Variants in ARHGAP39 observed in about 807,000 individuals in gnomAD.
ARHGAP39 encodes Rho GTPase activating protein 39, also known as rho GTPase-activating protein 39.
ARHGAP39 carries 44 observed loss-of-function variants against 106.9 expected under a neutral mutation model. The observed-to-expected ratio is 0.41, with a 90% CI of 0.32 to 0.53. The LOEUF is 0.53. ARHGAP39 is among the 20% of genes least tolerant of loss of function. ARHGAP39 has a pLI of 0.21. For missense variants in ARHGAP39, 1,496 were observed against 1,577.3 expected (o/e 0.95, Z 0.87); for synonymous variants, 768 against 693.2 (o/e 1.11, Z -1.69).
intron 4 of ARHGAP39, among the ~76,000 whole-genome samples, chr8:144,549,796 C>T (rs1817627630): frequency 1.3e-5 from 2 of 152,160 alleles, no homozygotes; most frequent in Admixed American, 6.5e-5. Context: ...CCCAGCCCCA[C>T]GTGGTTTTCA....
At chr8:144,546,121 G>C (rs1017660164) in intron 5 of ARHGAP39, among the ~76,000 whole-genome samples, 5 of 152,168 alleles carry the variant, frequency 3.3e-5, no homozygotes, top group Non-Finnish European at 7.4e-5. Flanking sequence ...CACCCCCAGG[G>C]GGCTGACCTC....
intron 1 of ARHGAP39, among the ~76,000 whole-genome samples, chr8:144,652,732 A>C (rs1298240420): frequency 6.6e-6 from 1 of 152,082 alleles, no homozygotes; most frequent in Non-Finnish European, 1.5e-5. Context: ...ACACAAAGGA[A>C]ACCAGCGGAC....
the ARHGAP39 span, chr8:144,698,900 G>A: frequency 2.2e-6 from 1 of 455,752 alleles, no homozygotes; most frequent in South Asian, 1.5e-5. Flanking sequence ...GGGGGGTTGG[G>A]GGGTCCAAGA....
intron 6 of ARHGAP39, among the ~76,000 whole-genome samples, chr8:144,541,794 G>A (rs1049017587): frequency 6.6e-6 from 1 of 152,086 alleles, no homozygotes; most frequent in Non-Finnish European, 1.5e-5. Flanking sequence ...CCACCTTTTA[G>A]TTATAAGAGC....
chr8:144,530,290 C>T lies in ARHGAP39; in HGVS notation c.*132G>A, dbSNP rs1258198911. On this transcript the variant is annotated 3_prime_UTR_variant, in exon 12 of 12. Transcript: ENST00000377307. ...CAGAAGACGTGGGGAGCGCCGGGGC[C>T]AGGGGCCTGGGGGAGTGGAGGGGGC... The T allele has an allele frequency of 5.0e-6, 5 of 1,008,012 alleles. No homozygotes were observed. Among genetic ancestry groups the T allele is most frequent in the Non-Finnish European group, 7.1e-6 (5 of 703,196 alleles). The allele number at this position is 1,008,012 out of a possible 1,614,324, so 62.4% of individuals were successfully genotyped here.
intron 7 of ARHGAP39, among the ~76,000 whole-genome samples, chr8:144,535,283 G>A (rs1411493932): frequency 6.6e-6 from 1 of 152,216 alleles, no homozygotes; most frequent in African/African-American, 2.4e-5. Flanking sequence ...TAGTTGACAT[G>A]TGACTGCTAA....
rs1339918307 is a variant in ARHGAP39 at position 144,547,837 on chromosome 8, T to G, written c.1249A>C (p.Lys417Gln). Residue 417 changes from lysine to glutamine, a missense_variant, in exon 5 of 12, where the codon AAG becomes CAG. Transcript: ENST00000377307. The surrounding 1 kb of genome is among the most constrained non-coding windows in gnomAD (Gnocchi z 5.2). ...CCACCGCCGGGGTTGGGCGCGTACT[T>G]GTGCCGCGGGCCGGCGCGCAGCTTG... ...SPKLRAGPRHKYAPNPGGGSY... is the reference protein window; with the variant it reads ...SPKLRAGPRHQYAPNPGGGSY... 6.3e-7 allele frequency: 1 copy of G among 1,590,334 alleles called. No individual in the cohort carries two copies. The highest frequency in any genetic ancestry group is 8.6e-7 in the Non-Finnish European group (1 of 1,169,478).
intron 1 of ARHGAP39, among the ~76,000 whole-genome samples, chr8:144,629,195 C>T (rs909453920): frequency 2.0e-5 from 3 of 152,380 alleles, no homozygotes; most frequent in African/African-American, 7.2e-5. Flanking sequence ...TCGGTATCTT[C>T]TGTAACGGAA....
chr8:144,538,225 T>TGGCC (rs2130825704), intron 6 of ARHGAP39, among the ~76,000 whole-genome samples: 1 of 152,354 alleles, frequency 6.6e-6, no homozygotes, highest in Non-Finnish European at 1.5e-5. Context: ...CGAAGGCAGC[T>TGGCC]GGCCCCAAGC....
intron 1 of ARHGAP39, among the ~76,000 whole-genome samples, chr8:144,669,180 G>GTAT (rs1177674847): frequency 1.5e-5 from 1 of 68,316 alleles, no homozygotes; most frequent in East Asian, 4.5e-4. Context: ...ACACCTAAAT[G>GTAT]TATATCAAAA....
At chr8:144,676,489 T>C (rs1455652561) in intron 1 of ARHGAP39, among the ~76,000 whole-genome samples, 1 of 151,998 alleles carries the variant, frequency 6.6e-6, no homozygotes, top group Non-Finnish European at 1.5e-5. Flanking sequence ...TTTACAAACC[T>C]TGAGCTAGAC....
chr8:144,674,697 G>A (rs2129738697), intron 1 of ARHGAP39, among the ~76,000 whole-genome samples: 1 of 152,274 alleles, frequency 6.6e-6, no homozygotes, highest in South Asian at 2.1e-4. Context: ...CAGGCTATTT[G>A]TGCTGAGGGG....
chr8:144,545,846 G>T (rs767098652), intron 5 of ARHGAP39, 36 bp from the exon 6 acceptor site: 4 of 1,450,904 alleles, frequency 2.8e-6, no homozygotes, highest in East Asian at 2.4e-5. Flanking sequence ...TGTTGGGGGT[G>T]GGGGAGGGCC....
At chr8:144,553,372 G>A (rs1241996752) in intron 4 of ARHGAP39, among the ~76,000 whole-genome samples, 1 of 152,192 alleles carries the variant, frequency 6.6e-6, no homozygotes, top group Admixed American at 6.5e-5. Context: ...GTCTACAAGT[G>A]CAACTCTGGC....
intron 4 of ARHGAP39, among the ~76,000 whole-genome samples, chr8:144,552,449 A>C (rs915736961): frequency 6.6e-6 from 1 of 152,254 alleles, no homozygotes; most frequent in African/African-American, 2.4e-5. Context: ...GCTCCGCCAG[A>C]GTCCCTAAAT....
chr8:144,557,770 C>T lies in ARHGAP39; in HGVS notation c.513-2127G>A, dbSNP rs976480575. 7.2e-5 allele frequency among the ~76,000 whole-genome samples: 11 copies of T among 152,304 alleles called. No individual in the cohort carries two copies. In the South Asian group the frequency reaches 2.3e-3, roughly 32 times the overall value. ...TAGTATTCAGTGGCAAAAGGCTGAACCTTCGTAGTATTCAGTGGCAAAAGG... is the reference window on the plus strand; with the variant it reads ...TAGTATTCAGTGGCAAAAGGCTGAATCTTCGTAGTATTCAGTGGCAAAAGG... On this transcript the variant is annotated intron_variant, in intron 3 of 11. Transcript: ENST00000377307.
the ARHGAP39 span, among the ~76,000 whole-genome samples, chr8:144,695,264 C>T: frequency 1.5e-5 from 2 of 132,414 alleles, no homozygotes; most frequent in South Asian, 2.6e-4. Flanking sequence ...TAAGTAGAGA[C>T]GGGGTTTCAC....
intron 1 of ARHGAP39, among the ~76,000 whole-genome samples, chr8:144,665,883 G>A (rs1821950832): frequency 6.6e-6 from 1 of 152,226 alleles, no homozygotes. Context: ...GGATCTGTGA[G>A]AAGAGGGCCA....
intron 3 of ARHGAP39, among the ~76,000 whole-genome samples, chr8:144,580,135 T>G (rs958895130): frequency 1.3e-5 from 2 of 151,954 alleles, no homozygotes; most frequent in African/African-American, 2.4e-5. Context: ...CCCTGACCTC[T>G]CCCTGTTTCT....
Sources: allele counts gnomAD v4.1 joint callset (sites outside exome capture counted in the v4.1 genomes callset), GRCh38; gene constraint gnomAD v4.1.1; non-coding constraint Gnocchi (gnomAD v3.1); transcripts MANE v1.5; gene names NCBI Gene and HGNC (gene_info 2026-07-23, HGNC 2026-07-21).